The following IMMP2L variants were observed in gnomAD, a reference collection of about 807,000 sequenced individuals.
IMMP2L encodes mitochondrial inner membrane protease subunit 2.
Under a neutral mutation model 19.3 loss-of-function variants are expected in IMMP2L, and 18 were observed. The observed-to-expected ratio is 0.93, with a 90% confidence interval of 0.64 to 1.38. IMMP2L has a LOEUF of 1.38. Ranked by LOEUF, IMMP2L falls within the 40% of genes most tolerant of loss-of-function variation. The pLI is 0.00. For missense variants in IMMP2L, 233 were observed against 218.2 expected (o/e 1.07, Z -0.43); for synonymous variants, 76 against 73.0 (o/e 1.04, Z -0.21).
chr7:111,171,451 CAAA>C (rs1238273487), intron 3 of IMMP2L, among the ~76,000 whole-genome samples: 116 of 151,470 alleles, frequency 7.7e-4, no homozygotes, highest in Non-Finnish European at 3.0e-5. Context: ...TCTAAAAGCC[CAAA>C]GAGAGAGAAA....
intron 3 of IMMP2L, among the ~76,000 whole-genome samples, chr7:111,018,516 G>A (rs866326229): frequency 2.6e-5 from 4 of 152,212 alleles, no homozygotes; most frequent in African/African-American, 7.2e-5. Flanking sequence ...GATCTACAAC[G>A]TAGAAACATT....
chr7:111,128,761 G>A (rs994423030), intron 3 of IMMP2L, among the ~76,000 whole-genome samples: 2 of 152,242 alleles, frequency 1.3e-5, no homozygotes, highest in Non-Finnish European at 2.9e-5. Context: ...GGAGGCGGAG[G>A]TTGCAGTGAG....
At chr7:111,072,973 T>C (rs1341028282) in intron 3 of IMMP2L, among the ~76,000 whole-genome samples, 1 of 151,396 alleles carries the variant, frequency 6.6e-6, no homozygotes, top group African/African-American at 2.4e-5. Flanking sequence ...GATTAGATCA[T>C]TGGTAAAGGC....
At chr7:110,734,662 G>A (rs1796496578) in intron 5 of IMMP2L, among the ~76,000 whole-genome samples, 1 of 152,104 alleles carries the variant, frequency 6.6e-6, no homozygotes, top group East Asian at 1.9e-4. Flanking sequence ...AGTGAAAGAG[G>A]AGAAAGGAAG....
At chr7:111,124,982 C>T in intron 3 of IMMP2L, 2 of 953,518 alleles carry the variant, frequency 2.1e-6, no homozygotes, top group South Asian at 3.8e-5. Flanking sequence ...CAAAACAAAA[C>T]AAACAAACAA....
At chr7:111,360,961 T>C (rs1012537842) in intron 3 of IMMP2L, among the ~76,000 whole-genome samples, 1 of 152,074 alleles carries the variant, frequency 6.6e-6, no homozygotes, top group Admixed American at 6.6e-5. Flanking sequence ...ATGATGAATA[T>C]ATATTTTAAA....
At chr7:111,072,845 GC>G (rs1795073158) in intron 3 of IMMP2L, among the ~76,000 whole-genome samples, 2 of 150,910 alleles carry the variant, frequency 1.3e-5, no homozygotes, top group Admixed American at 1.3e-4. Flanking sequence ...GGAGCTTGCA[GC>G]GAGCCAAGAT....
In IMMP2L at chr7:111,465,801, T is replaced by C. The variant is rs1840594586; in HGVS notation, c.239+21437A>G. On this transcript the variant is annotated intron_variant, in intron 3 of 5. Transcript: ENST00000405709. ...AGGGATCTAGAACTAGAAATACCAT[T>C]TGACCCAGCAATCCCATTACTGGGT... Among the ~76,000 whole-genome samples, 2 of 152,118 alleles carry C rather than the reference T, an allele frequency of 1.3e-5. 1 individual carries two copies. Among genetic ancestry groups the C allele is most frequent in the African/African-American group, 4.8e-5 (2 of 41,416 alleles).
chr7:111,231,305 T>G (rs1410341919), intron 3 of IMMP2L, among the ~76,000 whole-genome samples: 1 of 151,954 alleles, frequency 6.6e-6, no homozygotes, highest in Non-Finnish European at 1.5e-5. Context: ...TTTTATGAAA[T>G]GAAAATCATA....
At chr7:111,492,362 T>C in intron 2 of IMMP2L, 3 of 981,696 alleles carry the variant, frequency 3.1e-6, no homozygotes, top group Non-Finnish European at 3.6e-6. Flanking sequence ...CTATCCCCCA[T>C]ACTAGAAGAC....
rs149146752 is a variant in IMMP2L at position 110,775,882 on chromosome 7, C to T, written c.408+110711G>A. On this transcript the variant is annotated intron_variant, in intron 5 of 5. Coordinates refer to ENST00000405709, the MANE Select transcript of IMMP2L (RefSeq NM_032549.4). ...TAGTATTCCATGCCCACGCATTACC[C>T]TGGTTCTGTGGAACTCCAGAGGCAA... Among the ~76,000 whole-genome samples, 166 of 151,870 alleles carry T rather than the reference C, an allele frequency of 1.1e-3. 2 individuals carry two copies. Among genetic ancestry groups the T allele is most frequent in the African/African-American group, 3.9e-3 (160 of 41,476 alleles).
intron 3 of IMMP2L, among the ~76,000 whole-genome samples, chr7:111,024,630 G>C (rs1222431963): frequency 5.9e-5 from 9 of 152,038 alleles, no homozygotes; most frequent in Admixed American, 2.0e-4. Context: ...CTTTTTTATT[G>C]TTGTTGTTGC....
At chr7:111,357,071 A>G (rs895069363) in intron 3 of IMMP2L, among the ~76,000 whole-genome samples, 9 of 152,162 alleles carry the variant, frequency 5.9e-5, no homozygotes, top group Non-Finnish European at 1.3e-4. Context: ...CAACTGGTAC[A>G]GTACTTTATA....
chr7:111,075,156 T>C (rs554879195), intron 3 of IMMP2L, among the ~76,000 whole-genome samples: 59 of 144,208 alleles, frequency 4.1e-4, no homozygotes, highest in Non-Finnish European at 7.3e-4. Context: ...AGATGGAATC[T>C]CTCTCTGTCA....
chr7:111,445,247 T>C (rs1042756473), intron 3 of IMMP2L, among the ~76,000 whole-genome samples: 1 of 151,956 alleles, frequency 6.6e-6, no homozygotes, highest in African/African-American at 2.4e-5. Context: ...GCAGACAAAC[T>C]GTGGGGAGCC....
At chr7:111,375,164 T>G (rs1830574859) in intron 3 of IMMP2L, among the ~76,000 whole-genome samples, 1 of 151,986 alleles carries the variant, frequency 6.6e-6, no homozygotes, top group Non-Finnish European at 1.5e-5. Context: ...ACTGATGCCG[T>G]ATTTGCCAAA....
intron 3 of IMMP2L, among the ~76,000 whole-genome samples, chr7:111,112,504 C>A (rs1474337814): frequency 6.6e-6 from 1 of 152,178 alleles, no homozygotes; most frequent in African/African-American, 2.4e-5. Context: ...TGCACACAGC[C>A]ATAAATATGG....
At chr7:110,885,089 C>G (rs1301747004) in intron 5 of IMMP2L, among the ~76,000 whole-genome samples, 2 of 151,882 alleles carry the variant, frequency 1.3e-5, no homozygotes, top group African/African-American at 4.8e-5. Flanking sequence ...TTTTCACAAA[C>G]ATATCTAAAG....
chr7:111,210,969 A>G (rs1264079100), intron 3 of IMMP2L, among the ~76,000 whole-genome samples: 2 of 152,156 alleles, frequency 1.3e-5, no homozygotes, highest in Admixed American at 1.3e-4. Context: ...ATAAAATAAG[A>G]AATTTAATTT....
Sources: gnomAD v4.1 joint callset for allele counts (sites outside exome capture counted in the v4.1 genomes callset) on GRCh38, gnomAD v4.1.1 for gene constraint, MANE v1.5 for transcripts, NCBI Gene and HGNC (gene_info 2026-07-23, HGNC 2026-07-21) for gene names.